Variants in FAM53B observed in about 807,000 individuals in gnomAD.
FAM53B encodes the protein family with sequence similarity 53 member B, also known as protein FAM53B.
In FAM53B, 12 loss-of-function variants were observed where a neutral mutation model predicts 32.7. The ratio of observed to expected loss-of-function variants is 0.37; its 90% confidence interval spans 0.24 to 0.59. FAM53B has a LOEUF of 0.59. Ranked by LOEUF, FAM53B falls within the 20% of genes least tolerant of loss-of-function variation. The pLI is 0.72. For synonymous variants in FAM53B, 234 were observed against 228.7 expected (o/e 1.02, Z -0.21); for missense variants, 477 against 577.7 (o/e 0.83, Z 1.79).
At chr10:124,676,851 C>T (rs531589388) in intron 4 of FAM53B, among the ~76,000 whole-genome samples, 1 of 152,320 alleles carries the variant, frequency 6.6e-6, no homozygotes, top group East Asian at 1.9e-4. Flanking sequence ...CAAACTGCCC[C>T]TGGCCAGCTT....
intron 1 of FAM53B, chr10:124,742,588 A>G (rs1178271060): frequency 6.6e-6 from 1 of 152,270 alleles, no homozygotes; most frequent in East Asian, 1.9e-4. Flanking sequence ...ATATGTTGTA[A>G]GCAGCACAAG....
chr10:124,705,763 G>C (rs918326178), intron 2 of FAM53B: 5 of 152,292 alleles, frequency 3.3e-5, no homozygotes, highest in African/African-American at 9.6e-5. Flanking sequence ...AGAGACCTAG[G>C]TCTATCTGCT....
intron 4 of FAM53B, among the ~76,000 whole-genome samples, chr10:124,663,735 T>C (rs1441068143): frequency 6.6e-6 from 1 of 152,110 alleles, no homozygotes; most frequent in Non-Finnish European, 1.5e-5. Flanking sequence ...TTTGGGCCTT[T>C]AACAAGGGTT....
chr10:124,690,052 C>A (rs1233634355), intron 3 of FAM53B, among the ~76,000 whole-genome samples: 1 of 152,214 alleles, frequency 6.6e-6, no homozygotes, highest in Non-Finnish European at 1.5e-5. Flanking sequence ...TGTGGGTGTG[C>A]ACAGAGCAAG....
chr10:124,669,046 C>T (rs1381736276), intron 4 of FAM53B, among the ~76,000 whole-genome samples: 1 of 152,322 alleles, frequency 6.6e-6, no homozygotes, highest in African/African-American at 2.4e-5. Context: ...AAGTGCAGGG[C>T]TGGCTTGGAC....
At chr10:124,687,073 G>A (rs1486521470) in intron 3 of FAM53B, among the ~76,000 whole-genome samples, 3 of 152,184 alleles carry the variant, frequency 2.0e-5, no homozygotes, top group Admixed American at 6.5e-5. Flanking sequence ...AGTACAATAC[G>A]AGAAAAGTAA....
chr10:124,666,694 G>A (rs762099801), intron 4 of FAM53B, among the ~76,000 whole-genome samples: 5 of 152,258 alleles, frequency 3.3e-5, no homozygotes, highest in East Asian at 1.9e-4. Context: ...AGGCTAAGCA[G>A]GGCTGCACGG....
chr10:124,644,879 C>T (rs1407586913), intron 4 of FAM53B, among the ~76,000 whole-genome samples: 1 of 152,184 alleles, frequency 6.6e-6, no homozygotes, highest in Non-Finnish European at 1.5e-5. Flanking sequence ...CTGCAGGACT[C>T]GGTGCTGCAA....
intron 4 of FAM53B, among the ~76,000 whole-genome samples, chr10:124,668,362 T>C (rs994140692): frequency 6.6e-6 from 1 of 152,274 alleles, no homozygotes; most frequent in Non-Finnish European, 1.5e-5. Context: ...GCAGGGTATT[T>C]ATTCCCATGT....
intron 4 of FAM53B, among the ~76,000 whole-genome samples, chr10:124,629,062 T>TA (rs1348389538): frequency 6.6e-6 from 1 of 152,254 alleles, no homozygotes; most frequent in Non-Finnish European, 1.5e-5. Context: ...AATGTAGTTA[T>TA]AGGTTATGCA....
At chr10:124,671,902 T>G (rs1949709217) in intron 4 of FAM53B, among the ~76,000 whole-genome samples, 1 of 152,232 alleles carries the variant, frequency 6.6e-6, no homozygotes, top group Non-Finnish European at 1.5e-5. Context: ...ACTCTGAGTC[T>G]AGTCAAACCA....
chr10:124,683,949 G>A (rs1949788059), intron 3 of FAM53B, among the ~76,000 whole-genome samples: 1 of 152,258 alleles, frequency 6.6e-6, no homozygotes, highest in African/African-American at 2.4e-5. Context: ...GGAATGACCT[G>A]TGCAGACCAA....
At position 124,683,968 on chromosome 10, in the gene FAM53B, C is replaced by A. The variant is rs557637591; in HGVS notation, c.134-1589G>T. ...TGACCTGTGCAGACCAAAGGGAGGG[C>A]CAGGAGCCCAGAGAAAAAGCCGAGG... On this transcript the variant is annotated intron_variant, in intron 3 of 4. Coordinates refer to ENST00000337318, the MANE Select transcript of FAM53B (RefSeq NM_014661.4). 2.5e-4 allele frequency among the ~76,000 whole-genome samples: 38 copies of A among 152,344 alleles called. 1 individual carries two copies. The South Asian group carries it at 3.3e-3, about 13-fold the overall frequency.
At chr10:124,697,377 G>A (rs1174502846) in intron 2 of FAM53B, among the ~76,000 whole-genome samples, 2 of 152,294 alleles carry the variant, frequency 1.3e-5, no homozygotes, top group South Asian at 2.1e-4. Flanking sequence ...AAGGGCCCAG[G>A]TTCTGGCTCT....
intron 4 of FAM53B, among the ~76,000 whole-genome samples, chr10:124,661,193 T>C: frequency 6.6e-6 from 1 of 152,026 alleles, no homozygotes; most frequent in East Asian, 1.9e-4. Context: ...GTACAGTGAA[T>C]GTCCCCTGAA....
chr10:124,720,468 A>AT (rs745950043), intron 1 of FAM53B, among the ~76,000 whole-genome samples: 2 of 151,808 alleles, frequency 1.3e-5, no homozygotes, highest in East Asian at 1.9e-4. Flanking sequence ...TTCGAAAATA[A>AT]TTTTTTTTTA....
At chr10:124,640,208 T>C (rs1002609651) in intron 4 of FAM53B, among the ~76,000 whole-genome samples, 4 of 152,200 alleles carry the variant, frequency 2.6e-5, no homozygotes, top group African/African-American at 4.8e-5. Context: ...ACAGGTGCAT[T>C]CTCAGGTGCA....
chr10:124,668,274 C>T lies in FAM53B; in HGVS notation c.906+13333G>A, dbSNP rs552281492. Among the ~76,000 whole-genome samples, 28 of 152,386 alleles carry T rather than the reference C, an allele frequency of 1.8e-4. No individual in the cohort carries two copies. The East Asian group carries it at 1.9e-3, about 10-fold the overall frequency. On this transcript the variant is annotated intron_variant, in intron 4 of 4. Coordinates refer to ENST00000337318, the MANE Select transcript of FAM53B (RefSeq NM_014661.4). ...GCTCTCCCCAAACACACGGCCATCTCGCCCCTTGGCCTAAGCTGTTTCTGA... is the reference window on the plus strand; with the variant it reads ...GCTCTCCCCAAACACACGGCCATCTTGCCCCTTGGCCTAAGCTGTTTCTGA...
intron 1 of FAM53B, among the ~76,000 whole-genome samples, chr10:124,724,362 CACA>C (rs1057175845): frequency 8.5e-5 from 13 of 152,278 alleles, no homozygotes; most frequent in African/African-American, 2.9e-4. Flanking sequence ...GGTCAGCTGC[CACA>C]ACATCGGCCA....
Sources: gnomAD v4.1 joint callset for allele counts (sites outside exome capture counted in the v4.1 genomes callset) on GRCh38, gnomAD v4.1.1 for gene constraint, MANE v1.5 for transcripts, NCBI Gene and HGNC (gene_info 2026-07-23, HGNC 2026-07-21) for gene names.